The following TRMT11 variants were observed in gnomAD, a reference collection of about 807,000 sequenced individuals.
TRMT11 encodes the protein tRNA methyltransferase 11, also known as tRNA (guanine(10)-N(2))-methyltransferase TRMT11.
In TRMT11, 53 loss-of-function variants were observed where a neutral mutation model predicts 62.8. The ratio of observed to expected loss-of-function variants is 0.84; its 90% CI spans 0.68 to 1.06. The LOEUF is 1.06. Ranked by LOEUF, TRMT11 falls within the 50% of genes least tolerant of loss-of-function variation. TRMT11 has a pLI of 0.00. For missense variants in TRMT11, 556 were observed against 553.4 expected, an observed-to-expected ratio of 1.00 and a Z score of -0.05; for synonymous variants, 188 against 190.3, an observed-to-expected ratio of 0.99 and a Z score of 0.10.
At chr6:126,130,405 A>G (rs1475256274) in intron 21 of TRMT11, among the ~76,000 whole-genome samples, 1 of 152,032 alleles carries the variant, frequency 6.6e-6, no homozygotes, top group African/African-American at 2.4e-5. Context: ...CTATTATTTG[A>G]TTTAATCCAA....
intron 12 of TRMT11, among the ~76,000 whole-genome samples, chr6:126,038,437 C>CAAAAAAAAA (rs72178194): frequency 7.0e-5 from 9 of 129,178 alleles, no homozygotes; most frequent in Non-Finnish European, 9.9e-5. Context: ...TGCCCTGAGG[C>CAAAAAAAAA]AAAAAAAAAA....
chr6:126,258,417 G>C, the TRMT11 span: 1 of 332,248 alleles, frequency 3.0e-6, no homozygotes, highest in East Asian at 7.7e-5. Flanking sequence ...CCTGGTGGCT[G>C]GCCCGGGTTA....
intron 17 of TRMT11, among the ~76,000 whole-genome samples, chr6:126,093,912 A>G (rs1020556696): frequency 6.6e-6 from 1 of 152,064 alleles, no homozygotes; most frequent in Non-Finnish European, 1.5e-5. Context: ...TGAATGAGTA[A>G]AGACTTAACA....
At chr6:126,102,930 C>T (rs1197939462) in intron 17 of TRMT11, among the ~76,000 whole-genome samples, 1 of 152,130 alleles carries the variant, frequency 6.6e-6, no homozygotes, top group African/African-American at 2.4e-5. Flanking sequence ...AATAATTTGC[C>T]AAAGTCATAT....
intron 17 of TRMT11, among the ~76,000 whole-genome samples, chr6:126,058,273 A>G (rs944517024): frequency 6.6e-6 from 1 of 152,154 alleles, no homozygotes; most frequent in African/African-American, 2.4e-5. Context: ...TGTCCCTGCA[A>G]AGGACATGAA....
chr6:126,162,422 T>C (rs776032638), intron 21 of TRMT11, among the ~76,000 whole-genome samples: 18 of 152,214 alleles, frequency 1.2e-4, no homozygotes, highest in Non-Finnish European at 2.1e-4. Context: ...TTGGTCTATA[T>C]ATCTGTTTTG....
chr6:126,034,917 C>G (rs950319724), intron 12 of TRMT11, among the ~76,000 whole-genome samples: 13 of 151,706 alleles, frequency 8.6e-5, no homozygotes, highest in African/African-American at 3.1e-4. Flanking sequence ...TTGAGACGCG[C>G]AGGGAATGTG....
At chr6:126,069,065 C>T (rs1484794844) in intron 17 of TRMT11, among the ~76,000 whole-genome samples, 1 of 152,210 alleles carries the variant, frequency 6.6e-6, no homozygotes, top group Non-Finnish European at 1.5e-5. Flanking sequence ...CATTTTGGTT[C>T]CATGATGACT....
chr6:126,026,665 G>T (rs1174222163), intron 12 of TRMT11, among the ~76,000 whole-genome samples: 1 of 151,612 alleles, frequency 6.6e-6, no homozygotes, highest in African/African-American at 2.4e-5. Context: ...GATTATAGGC[G>T]CGAGCCATCG....
At chr6:126,088,003 CTAAT>C (rs1406386133) in intron 17 of TRMT11, among the ~76,000 whole-genome samples, 2 of 152,142 alleles carry the variant, frequency 1.3e-5, no homozygotes, top group Non-Finnish European at 2.9e-5. Context: ...CATTGCCTCT[CTAAT>C]TAGATTATTC....
intron 12 of TRMT11, among the ~76,000 whole-genome samples, chr6:126,033,359 C>T (rs558667196): frequency 6.6e-6 from 1 of 151,994 alleles, no homozygotes; most frequent in Non-Finnish European, 1.5e-5. Context: ...AATGAATTCC[C>T]CATTAGATTA....
At chr6:126,018,514 CT>C (rs1057426910) in intron 11 of TRMT11, among the ~76,000 whole-genome samples, 2 of 151,584 alleles carry the variant, frequency 1.3e-5, no homozygotes, top group African/African-American at 4.9e-5. Flanking sequence ...AATTCACCCC[CT>C]TAACGTATAC....
At chr6:126,038,572 C>T (rs1775626485) in intron 12 of TRMT11, 133 bp from the exon 13 acceptor site, 10 of 643,666 alleles carry the variant, frequency 1.6e-5, no homozygotes, top group Non-Finnish European at 2.5e-5. Flanking sequence ...ATTTCTAATT[C>T]AAGTAGTGAA....
At chr6:126,171,329 G>A (rs1245681754) in intron 21 of TRMT11, among the ~76,000 whole-genome samples, 1 of 151,898 alleles carries the variant, frequency 6.6e-6, no homozygotes, top group Non-Finnish European at 1.5e-5. Flanking sequence ...AGTAACCCTG[G>A]CAAGTGATAG....
At chr6:126,200,711 C>G (rs983891319) in intron 3 of TRMT11, among the ~76,000 whole-genome samples, 8 of 152,114 alleles carry the variant, frequency 5.3e-5, no homozygotes, top group African/African-American at 1.9e-4. Flanking sequence ...CCTACCACCA[C>G]GCCTGGCTAA....
the TRMT11 span, among the ~76,000 whole-genome samples, chr6:126,269,049 C>G: frequency 4.0e-5 from 6 of 151,542 alleles, no homozygotes; most frequent in South Asian, 1.3e-3. Flanking sequence ...ATCACGAGGT[C>G]AGGAGATCGA....
intron 9 of TRMT11, 68 bp from the exon 10 acceptor site, chr6:126,012,703 G>T: frequency 1.7e-6 from 2 of 1,161,980 alleles, no homozygotes; most frequent in South Asian, 1.3e-5. Flanking sequence ...AAGGCAGCAT[G>T]GCTGTTTGCC....
At chr6:126,181,727 C>A (rs1342598551) in intron 1 of TRMT11, among the ~76,000 whole-genome samples, 3 of 152,148 alleles carry the variant, frequency 2.0e-5, no homozygotes, top group African/African-American at 7.2e-5. Context: ...AGGGTGTTTT[C>A]CAAGACTGGG....
At chr6:126,009,434 G>A (rs1793852361) in intron 8 of TRMT11, 1 of 151,876 alleles carries the variant, frequency 6.6e-6, no homozygotes, top group African/African-American at 2.4e-5. Context: ...ATAGCTTAAT[G>A]GTATTGAAAA....
Sources: gnomAD v4.1 joint callset for allele counts (sites outside exome capture counted in the v4.1 genomes callset) on GRCh38, gnomAD v4.1.1 for gene constraint, MANE v1.5 for transcripts, NCBI Gene and HGNC (gene_info 2026-07-23, HGNC 2026-07-21) for gene names.